The following MAGEE2 variants were observed in gnomAD, a reference collection of about 807,000 sequenced individuals.
The protein encoded by MAGEE2 is MAGE family member E2.
For missense variants in MAGEE2, 508 were observed against 391.1 expected (o/e 1.30, Z -2.52); for synonymous variants, 189 against 155.4 (o/e 1.22, Z -1.61).
Position 75,784,331 on chromosome X carries a change from C to G in MAGEE2, c.721G>C (p.Val241Leu), listed in dbSNP as rs1452990054. 10 of 1,209,908 alleles carry G rather than the reference C, an allele frequency of 8.3e-6. No homozygotes were observed. Among genetic ancestry groups the G allele is most frequent in the Non-Finnish European group, 1.1e-5 (10 of 895,258 alleles). ...VCMRFLEYWPVYGTNPLEFEF... is the reference protein window; with the variant it reads ...VCMRFLEYWPLYGTNPLEFEF... Reference sequence around the variant, plus strand: ...AACTCAAGGGGATTAGTGCCATACACCGGCCAGTACTCCAAGAATCGCATG... The same window carrying G: ...AACTCAAGGGGATTAGTGCCATACAGCGGCCAGTACTCCAAGAATCGCATG... The change falls in exon 1 of 1, where the codon GTG becomes CTG. Residue 241 changes from valine to leucine, a missense_variant. Coordinates refer to ENST00000373359, the MANE Select transcript of MAGEE2 (RefSeq NM_138703.5).
chrX:75,784,819 C>A lies in MAGEE2; in HGVS notation c.233G>T (p.Arg78Leu). The A allele has an allele frequency of 8.3e-7, 1 of 1,211,478 alleles. No individual in the cohort carries two copies. Among genetic ancestry groups the A allele is most frequent in the South Asian group, 1.8e-5 (1 of 56,946 alleles). The change falls in exon 1 of 1, where the codon CGT becomes CTT. Residue 78 changes from arginine to leucine, a missense_variant. Physicochemically the swap from Arg to Leu is moderately radical, Grantham distance 102. Transcript: ENST00000373359. ...GTCATGGACCCTGAGCGCCCCCAAA[C>A]GTCTGGACTGCTCGTCGATCAGGAC... ...LEVLIDEQSR[R>L]LGALRVHDPL...
Position 75,785,056 on chromosome X carries a change from C to T in MAGEE2, c.-5G>A. 1.8e-6 allele frequency: 2 copies of T among 1,119,704 alleles called. No individual in the cohort carries two copies. The highest frequency in any genetic ancestry group is 2.6e-5 in the South Asian group (1 of 39,203). The allele number at this position is 1,119,704 out of a possible 1,213,427, so 92.3% of individuals were successfully genotyped here. A position where few individuals can be genotyped will look rare whatever the true frequency, so the allele number is the denominator to read the frequency against. On this transcript the variant is annotated 5_prime_UTR_variant, in exon 1 of 1. Coordinates refer to ENST00000373359, the MANE Select transcript of MAGEE2 (RefSeq NM_138703.5). ...ATTCTGGCTTACCAGAGACATGGTT[C>T]CAGGAGACAGGAGCGGGAACGGTGA...
chrX:75,783,767 T>A lies in MAGEE2; in HGVS notation c.1285A>T (p.Arg429Ter), dbSNP rs748612026. Reference sequence around the variant, plus strand: ...TTTCTCCCTACATCCACACTAAATCTTCGAAGCAAGTTCCAGACATTGGCC... The same window carrying A: ...TTTCTCCCTACATCCACACTAAATCATCGAAGCAAGTTCCAGACATTGGCC... ...KEANVWNLLR[R>*]FSVDVGRKHS... Residue 429 changes from arginine to a stop codon, truncating the protein, a stop_gained, in exon 1 of 1, where the codon AGA becomes TGA. Coordinates refer to ENST00000373359, the MANE Select transcript of MAGEE2 (RefSeq NM_138703.5). LOFTEE classifies it low-confidence loss of function (END_TRUNC). 8 of 1,210,099 alleles carry A rather than the reference T, an allele frequency of 6.6e-6. No homozygotes were observed. In the African/African-American group the frequency reaches 1.4e-4, roughly 21 times the overall value.
rs761401636 is a variant in MAGEE2, at chrX:75,783,905, G to T, written c.1147C>A (p.Gln383Lys). The T allele has an allele frequency of 6.6e-6, 8 of 1,211,615 alleles. No homozygotes were observed. Among genetic ancestry groups the T allele is most frequent in the Non-Finnish European group, 8.9e-6 (8 of 895,426 alleles). The stretch of plus-strand genomic sequence containing the variant: ...ACTTGCTCTTCCTCTGATTCTGGTT[G>T]CTGGACAAGGAGGTAGATGTGCTCA... ...TSEHIYLLVQQPESEEEQVML... is the reference protein window; with the variant it reads ...TSEHIYLLVQKPESEEEQVML... Residue 383 changes from glutamine (Q) to lysine (K), a missense_variant, in exon 1 of 1, where the codon CAA (glutamine) becomes AAA (lysine). Transcript: ENST00000373359.
In MAGEE2 at chrX:75,784,064, G is replaced by A; in HGVS notation, c.988C>T (p.Leu330=). 4 of 1,209,881 alleles carry A rather than the reference G, an allele frequency of 3.3e-6. No homozygotes were observed. In the South Asian group the frequency reaches 5.3e-5, roughly 16 times the overall value. ...QLAISVTEEM[L]PIHQDELLAH... is the part of the protein sequence containing the mutation. The stretch of plus-strand genomic sequence containing the variant: ...AATAGCTCATCCTGATGTATAGGCA[G>A]CATCTCCTCAGTGACACTAATAGCC... Residue 330 remains leucine (L), a synonymous_variant, in exon 1 of 1, where the codon CTG becomes TTG. Coordinates refer to ENST00000373359, the MANE Select transcript of MAGEE2 (RefSeq NM_138703.5).
rs1452990054 is a variant in MAGEE2, at chrX:75,784,331, C to A, written c.721G>T (p.Val241Leu). ...VCMRFLEYWP[V>L]YGTNPLEFEF... ...AACTCAAGGGGATTAGTGCCATACA[C>A]CGGCCAGTACTCCAAGAATCGCATG... Residue 241 changes from valine to leucine, a missense_variant, in exon 1 of 1, where the codon GTG becomes TTG. By Grantham distance (32) the Val-to-Leu change is conservative (BLOSUM62 1). Transcript: ENST00000373359. 6 of 1,209,908 alleles carry A rather than the reference C, an allele frequency of 5.0e-6. No homozygotes were observed. Among genetic ancestry groups the A allele is most frequent in the Non-Finnish European group, 6.7e-6 (6 of 895,258 alleles).
In MAGEE2 at chrX:75,783,463, T is replaced by C; in HGVS notation, c.*17A>G. 8.4e-7 allele frequency: 1 copy of C among 1,191,212 alleles called. No individual in the cohort carries two copies. The highest frequency in any genetic ancestry group is 1.8e-5 in the South Asian group (1 of 54,165). On this transcript the variant is annotated 3_prime_UTR_variant, in exon 1 of 1. Coordinates refer to ENST00000373359, the MANE Select transcript of MAGEE2 (RefSeq NM_138703.5). ...AACTTATGCCACTCAGCTGAAGTGA[T>C]ACATATTCCCTAGACTTCACGTGGG... is the stretch of plus-strand genomic sequence containing the variant.
In MAGEE2 at chrX:75,784,031, T is replaced by A. The variant is rs144474508; in HGVS notation, c.1021A>T (p.Thr341Ser). The A allele has an allele frequency of 8.3e-7, 1 of 1,207,453 alleles. No homozygotes were observed. The highest frequency in any genetic ancestry group is 1.1e-6 in the Non-Finnish European group (1 of 895,069). The change falls in exon 1 of 1, where the codon ACT (threonine) becomes TCT (serine). Residue 341 changes from threonine to serine, a missense_variant. Coordinates refer to ENST00000373359, the MANE Select transcript of MAGEE2 (RefSeq NM_138703.5). ...AACACATCCTCAAATTCTTTGCCAG[T>A]GTGAGCCAATAGCTCATCCTGATGT... ...PIHQDELLAH[T>S]GKEFEDVFPN...
chrX:75,784,209 C>A lies in MAGEE2; in HGVS notation c.843G>T (p.Trp281Cys), dbSNP rs189642713. Residue 281 changes from tryptophan (W) to cysteine (C), a missense_variant, in exon 1 of 1, where the codon TGG becomes TGT. Trp to Cys is a radical substitution (Grantham distance 215). Coordinates refer to ENST00000373359, the MANE Select transcript of MAGEE2 (RefSeq NM_138703.5). ...SDAHDEEPWS[W>C]PEEYNKALEG... ...CCAGGGCCTTATTATATTCTTCTGG[C>A]CAGCTCCAGGGTTCTTCATCATGGG... 1.5e-4 allele frequency: 178 copies of A among 1,209,873 alleles called. No homozygotes were observed. The highest frequency in any genetic ancestry group is 6.9e-4 in the Middle Eastern group (3 of 4,354).
rs16992093 is a variant in MAGEE2 at position 75,783,255 on chromosome X, G to T, written c.*225C>A. The T allele has an allele frequency of 2.4e-3, 866 of 366,819 alleles. 5 individuals carry two copies. The highest frequency in any genetic ancestry group is 0.02 in the African/African-American group (791 of 39,267). The allele number at this position is 366,819 out of a possible 1,213,427, so 30.2% of individuals were successfully genotyped here. A position where few individuals can be genotyped will look rare whatever the true frequency, so the allele number is the denominator to read the frequency against. ...GAACTTTTATGCTGAAACAAGACCG[G>T]GATGGCAAATGAAAAATTCCATTTA... On this transcript the variant is annotated 3_prime_UTR_variant, in exon 1 of 1. Coordinates refer to ENST00000373359, the MANE Select transcript of MAGEE2 (RefSeq NM_138703.5).
Position 75,783,994 on chromosome X carries a change from A to G in MAGEE2, c.1058T>C (p.Leu353Pro). Residue 353 changes from leucine (L) to proline (P), a missense_variant, in exon 1 of 1, where the codon CTC (leucine) becomes CCC (proline). Coordinates refer to ENST00000373359, the MANE Select transcript of MAGEE2 (RefSeq NM_138703.5). Reference protein sequence around the residue: ...KEFEDVFPNILNRATLILDMF... With the variant: ...KEFEDVFPNIPNRATLILDMF... ...ATCAAGAATTAGAGTAGCTCTATTG[A>G]GGATATTTGGGAACACATCCTCAAA... 8.3e-7 allele frequency: 1 copy of G among 1,210,141 alleles called. No individual in the cohort carries two copies. The highest frequency in any genetic ancestry group is 1.1e-6 in the Non-Finnish European group (1 of 895,550).
In MAGEE2 at chrX:75,784,554, A is replaced by G; in HGVS notation, c.498T>C (p.Asp166=). 8.3e-7 allele frequency: 1 copy of G among 1,210,894 alleles called. No homozygotes were observed. The highest frequency in any genetic ancestry group is 3.0e-5 in the East Asian group (1 of 33,775). Residue 166 remains aspartate (D), a synonymous_variant, in exon 1 of 1, where the codon GAT becomes GAC. Transcript: ENST00000373359. ...GCATGTCCAGGGACTCCGCTATCCTATCGGTGATCTGGAAACCCCGTTTGC... is the reference window on the plus strand; with the variant it reads ...GCATGTCCAGGGACTCCGCTATCCTGTCGGTGATCTGGAAACCCCGTTTGC... The part of the protein sequence containing the change: ...LVSKRGFQIT[D]RIAESLDMPK...
chrX:75,785,101 A>AGCT lies in MAGEE2; in HGVS notation c.-51_-50insAGC. Reference sequence around the variant, plus strand: ...CGGTGAGATCAGCGATCAGTCGGAGAGAGGACCGCAGCAGTGTTGGTGCCT... The same window carrying AGCT: ...CGGTGAGATCAGCGATCAGTCGGAGAGCTGAGGACCGCAGCAGTGTTGGTGCCT... On this transcript the variant is annotated 5_prime_UTR_variant, in exon 1 of 1. Coordinates refer to ENST00000373359, the MANE Select transcript of MAGEE2 (RefSeq NM_138703.5). 1 of 1,092,305 alleles carries AGCT rather than the reference A, an allele frequency of 9.2e-7. No homozygotes were observed. The allele number at this position is 1,092,305 out of a possible 1,213,427, so 90.0% of individuals were successfully genotyped here.
rs1467724478 is a variant in MAGEE2 at position 75,785,079 on chromosome X, TGAGATCAGCGATCAGTCG to T, written c.-46_-29del. ...TTCCAGGAGACAGGAGCGGGAACGG[TGAGATCAGCGATCAGTCG>T]GAGAGAGGACCGCAGCAGTGTTGGT... On this transcript the variant is annotated 5_prime_UTR_variant, in exon 1 of 1. Coordinates refer to ENST00000373359, the MANE Select transcript of MAGEE2 (RefSeq NM_138703.5). The T allele has an allele frequency of 1.8e-6, 2 of 1,116,057 alleles. No homozygotes were observed. Among genetic ancestry groups the T allele is most frequent in the Non-Finnish European group, 2.4e-6 (2 of 849,630 alleles). The allele number at this position is 1,116,057 out of a possible 1,213,427, so 92.0% of individuals were successfully genotyped here. A position where few individuals can be genotyped will look rare whatever the true frequency, so the allele number is the denominator to read the frequency against.
At position 75,784,147 on chromosome X, in the gene MAGEE2, C is replaced by T. The variant is rs1054529779; in HGVS notation, c.905G>A (p.Gly302Asp). Reference protein sequence around the residue: ...DKTKERSLTAGLEFWSEDTMN... With the variant: ...DKTKERSLTADLEFWSEDTMN... ...AGTGTCCTCCGACCAGAACTCTAAG[C>T]CAGCAGTCAGGCTTCTTTCTTTGGT... Residue 302 changes from glycine (G) to aspartate (D), a missense_variant, in exon 1 of 1, where the codon GGC becomes GAC. Coordinates refer to ENST00000373359, the MANE Select transcript of MAGEE2 (RefSeq NM_138703.5). The T allele has an allele frequency of 8.3e-7, 1 of 1,210,045 alleles. No individual in the cohort carries two copies. The highest frequency in any genetic ancestry group is 1.1e-6 in the Non-Finnish European group (1 of 895,280).
rs2087879676 is a variant in MAGEE2, at chrX:75,784,942, G to C, written c.110C>G (p.Ser37Cys). ...CTGGGGGGCATCAACGACTAGCATG[G>C]AGGTGGGGGACCCGGAGGCGTTAGT... is the stretch of plus-strand genomic sequence containing the variant. ...QATNASGSPT[S>C]MLVVDAPQCP... The change falls in exon 1 of 1, where the codon TCC (serine) becomes TGC (cysteine). Residue 37 changes from serine (S) to cysteine (C), a missense_variant. Ser to Cys is a moderately radical substitution (Grantham distance 112, BLOSUM62 -1). Transcript: ENST00000373359. The C allele has an allele frequency of 8.6e-7, 1 of 1,156,750 alleles. No individual in the cohort carries two copies. The highest frequency in any genetic ancestry group is 1.8e-5 in the African/African-American group (1 of 55,017).
rs755027690 is a variant in MAGEE2, at chrX:75,784,985, T to C, written c.67A>G (p.Arg23Gly). The C allele has an allele frequency of 8.7e-7, 1 of 1,143,857 alleles. No individual in the cohort carries two copies. The highest frequency in any genetic ancestry group is 1.8e-5 in the African/African-American group (1 of 55,115). The allele number at this position is 1,143,857 out of a possible 1,213,427, so 94.3% of individuals were successfully genotyped here. A position where few individuals can be genotyped will look rare whatever the true frequency, so the allele number is the denominator to read the frequency against. Residue 23 changes from arginine to glycine, a missense_variant, in exon 1 of 1, where the codon AGA becomes GGA. Transcript: ENST00000373359. Reference protein sequence around the residue: ...AEITADYGDGRGEIQATNASG... With the variant: ...AEITADYGDGGGEIQATNASG... ...GCGTTAGTAGCTTGTATTTCACCTC[T>C]GCCGTCGCCGTAATCTGCAGTGATC... is the stretch of plus-strand genomic sequence containing the variant.
chrX:75,784,076 T>A lies in MAGEE2; in HGVS notation c.976A>T (p.Thr326Ser). 8.3e-7 allele frequency: 1 copy of A among 1,210,754 alleles called. No homozygotes were observed. Among genetic ancestry groups the A allele is most frequent in the Non-Finnish European group, 1.1e-6 (1 of 895,635 alleles). ...TGATGTATAGGCAGCATCTCCTCAG[T>A]GACACTAATAGCCAACTGGACCAAA... ...NDLVQLAISV[T>S]EEMLPIHQDE... The change falls in exon 1 of 1, where the codon ACT (threonine) becomes TCT (serine). Residue 326 changes from threonine to serine, a missense_variant. Transcript: ENST00000373359.
rs1231368413 is a variant in MAGEE2, at chrX:75,783,028, A to T, written c.*452T>A. 2 of 119,012 alleles carry T rather than the reference A, an allele frequency of 1.7e-5. No individual in the cohort carries two copies. Among genetic ancestry groups the T allele is most frequent in the Non-Finnish European group, 3.4e-5 (2 of 57,991 alleles). The allele number at this position is 119,012 out of a possible 1,213,427, so 9.8% of individuals were successfully genotyped here. A position where few individuals can be genotyped will look rare whatever the true frequency, so the allele number is the denominator to read the frequency against. On this transcript the variant is annotated 3_prime_UTR_variant, in exon 1 of 1. Transcript: ENST00000373359. ...TTTATTGCAAATACAGGTAAATGAC[A>T]GTTTTGTGTATATATATATTTGTGT...
Sources: gnomAD v4.1 joint callset for allele counts on GRCh38, gnomAD v4.1.1 for gene constraint, MANE v1.5 for transcripts, NCBI Gene and HGNC (gene_info 2026-07-23, HGNC 2026-07-21) for gene names.